MED27: variants seen among roughly 807,000 people sequenced by gnomAD.
The protein encoded by MED27 is mediator of RNA polymerase II transcription subunit 27.
Under a neutral mutation model 38.2 loss-of-function variants are expected in MED27, and 30 were observed. The ratio of observed to expected loss-of-function variants is 0.79; its 90% CI spans 0.59 to 1.07. The LOEUF (loss-of-function observed/expected upper bound fraction) is 1.07, where lower values mean the gene tolerates loss of function less well. Among genes scored for constraint, MED27 ranks in the 50% least tolerant of loss-of-function variants. MED27 has a pLI of 0.00. For synonymous variants in MED27, 122 were observed against 153.5 expected, an observed-to-expected ratio of 0.79 and a Z score of 1.52; for missense variants, 289 against 397.5, an observed-to-expected ratio of 0.73 and a Z score of 2.32.
chr9:131,887,308 C>T (rs1351143454), intron 5 of MED27, among the ~76,000 whole-genome samples: 1 of 152,110 alleles, frequency 6.6e-6, no homozygotes, highest in African/African-American at 2.4e-5. Flanking sequence ...GAGGATGATG[C>T]TCTTTTTAAA....
chr9:131,937,671 T>C (rs1162429207), intron 4 of MED27, among the ~76,000 whole-genome samples: 1 of 152,162 alleles, frequency 6.6e-6, no homozygotes, highest in Non-Finnish European at 1.5e-5. Context: ...GACCCAGAAA[T>C]AATTTGAACA....
chr9:131,968,288 A>T (rs1475449205), intron 3 of MED27, among the ~76,000 whole-genome samples: 1 of 152,086 alleles, frequency 6.6e-6, no homozygotes, highest in African/African-American at 2.4e-5. Flanking sequence ...AGTCTGGACA[A>T]CATAGTAAGA....
rs1045767207 is a variant in MED27 at position 132,003,103 on chromosome 9, A to T, written c.479+11234T>A. Among the ~76,000 whole-genome samples, 7 of 152,034 alleles carry T rather than the reference A, an allele frequency of 4.6e-5. No individual in the cohort carries two copies. The highest frequency in any genetic ancestry group is 4.2e-4 in the South Asian group (2 of 4,806). ...TGCAAAGAGAGATTTAAAAAAAAAAATGGATCCAGCTTCTATGTGATGAGC... is the reference window on the plus strand; with the variant it reads ...TGCAAAGAGAGATTTAAAAAAAAAATTGGATCCAGCTTCTATGTGATGAGC... On this transcript the variant is annotated intron_variant, in intron 3 of 7. Transcript: ENST00000292035. This position sits in a 1 kb window ranked among gnomAD's most constrained non-coding sequence, Gnocchi z 4.2.
intron 2 of MED27, chr9:132,073,751 A>C (rs1833990764): frequency 6.6e-7 from 1 of 1,509,738 alleles, no homozygotes; most frequent in Non-Finnish European, 8.8e-7. Context: ...TTCTGTAATA[A>C]AAAAAAAATC....
chr9:132,018,928 C>T (rs1485911567), intron 2 of MED27, among the ~76,000 whole-genome samples: 1 of 151,836 alleles, frequency 6.6e-6, no homozygotes, highest in Non-Finnish European at 1.5e-5. Context: ...TTTTAAATCA[C>T]TTTGCATATA....
At chr9:132,024,878 A>G (rs1338770247) in intron 2 of MED27, among the ~76,000 whole-genome samples, 1 of 152,200 alleles carries the variant, frequency 6.6e-6, no homozygotes, top group Non-Finnish European at 1.5e-5. Context: ...TTGACACGTG[A>G]AATAATCAGG....
chr9:132,060,057 T>A (rs1020857075), intron 2 of MED27, among the ~76,000 whole-genome samples: 3 of 152,186 alleles, frequency 2.0e-5, no homozygotes, highest in African/African-American at 7.2e-5. Context: ...CTGCAGAGCT[T>A]GGACTTGATC....
intron 3 of MED27, among the ~76,000 whole-genome samples, chr9:131,950,896 C>T (rs1238432795): frequency 1.3e-5 from 2 of 152,192 alleles, no homozygotes; most frequent in African/African-American, 2.4e-5. Flanking sequence ...AGAGTAAACA[C>T]AACTTTGTTC....
intron 2 of MED27, among the ~76,000 whole-genome samples, chr9:132,055,642 C>T (rs1022720452): frequency 1.3e-5 from 2 of 152,208 alleles, no homozygotes; most frequent in Non-Finnish European, 2.9e-5. Flanking sequence ...TAAGCCACCT[C>T]TAAGACAGAA....
intron 4 of MED27, among the ~76,000 whole-genome samples, chr9:131,903,383 C>G (rs1267206654): frequency 6.6e-6 from 1 of 152,186 alleles, no homozygotes; most frequent in African/African-American, 2.4e-5. Flanking sequence ...GTCCCTCCCA[C>G]AACACGTGGG....
At chr9:131,966,198 T>TA (rs1564303381) in intron 3 of MED27, among the ~76,000 whole-genome samples, 45 of 88,506 alleles carry the variant, frequency 5.1e-4, no homozygotes, top group South Asian at 1.4e-3. Context: ...GCCTGTTTCT[T>TA]TAAAAAAAAA....
chr9:131,930,268 C>T (rs573680210), intron 4 of MED27, among the ~76,000 whole-genome samples: 12 of 152,212 alleles, frequency 7.9e-5, no homozygotes, highest in Non-Finnish European at 1.6e-4. Context: ...TTATAGAACA[C>T]CAAGCAAGTT....
intron 3 of MED27, among the ~76,000 whole-genome samples, chr9:131,963,280 C>G (rs1050576262): frequency 6.6e-6 from 1 of 151,952 alleles, no homozygotes; most frequent in Non-Finnish European, 1.5e-5. Context: ...TAAGTTTTAG[C>G]GTAGAGAACA....
intron 2 of MED27, among the ~76,000 whole-genome samples, chr9:132,069,314 GA>G (rs1219904410): frequency 6.6e-6 from 1 of 151,720 alleles, no homozygotes; most frequent in Non-Finnish European, 1.5e-5. Context: ...CTCTTTTACA[GA>G]AAAGAATGAG....
chr9:132,026,432 C>G (rs1442005175), intron 2 of MED27, among the ~76,000 whole-genome samples: 2 of 152,214 alleles, frequency 1.3e-5, no homozygotes, highest in Non-Finnish European at 2.9e-5. Flanking sequence ...ACACCTTTCC[C>G]AAGGCTGACC....
At chr9:131,955,392 G>A (rs1395574143) in intron 3 of MED27, among the ~76,000 whole-genome samples, 1 of 151,790 alleles carries the variant, frequency 6.6e-6, no homozygotes, top group Non-Finnish European at 1.5e-5. Context: ...TAAATCCAAG[G>A]TAAGTACAAG....
intron 6 of MED27, among the ~76,000 whole-genome samples, chr9:131,867,036 C>CT (rs1411997096): frequency 1.3e-5 from 2 of 152,216 alleles, no homozygotes; most frequent in African/African-American, 4.8e-5. Flanking sequence ...CCTTGCCTGG[C>CT]TCTCTTCTCC....
intron 4 of MED27, among the ~76,000 whole-genome samples, chr9:131,933,335 T>C (rs183103375): frequency 6.6e-6 from 1 of 152,250 alleles, no homozygotes; most frequent in African/African-American, 2.4e-5. Flanking sequence ...TGTTAGCAGA[T>C]GATCCGATCT....
chr9:132,012,234 C>T (rs1313789265), intron 3 of MED27, among the ~76,000 whole-genome samples: 1 of 152,134 alleles, frequency 6.6e-6, no homozygotes, highest in African/African-American at 2.4e-5. Context: ...GTTACAAGGC[C>T]CATTAGACTT....
Sources: gnomAD v4.1 joint callset for allele counts (sites outside exome capture counted in the v4.1 genomes callset) on GRCh38, gnomAD v4.1.1 for gene constraint, Gnocchi (gnomAD v3.1) non-coding constraint, MANE v1.5 for transcripts, NCBI Gene and HGNC (gene_info 2026-07-23, HGNC 2026-07-21) for gene names.